DNAJC3: variants seen among roughly 807,000 people sequenced by gnomAD.
The protein encoded by DNAJC3 is dnaJ homolog subfamily C member 3.
DNAJC3 carries 38 observed loss-of-function variants against 68.6 expected under a neutral mutation model. The ratio of observed to expected loss-of-function variants is 0.55; its 90% confidence interval spans 0.43 to 0.73. The LOEUF (loss-of-function observed/expected upper bound fraction) is 0.73, where lower values mean the gene tolerates loss of function less well. Ranked by LOEUF, DNAJC3 falls within the 30% of genes least tolerant of loss-of-function variation. The probability of loss-of-function intolerance (pLI) is 0.00; values close to 1 mark genes in which losing one functional copy is unlikely to be tolerated. For synonymous variants in DNAJC3, 203 were observed against 204.0 expected, an observed-to-expected ratio of 1.00 and a Z score of 0.04; for missense variants, 526 against 591.9, an observed-to-expected ratio of 0.89 and a Z score of 1.16.
At chr13:95,771,799 C>G (rs1188513110) in intron 9 of DNAJC3, among the ~76,000 whole-genome samples, 1 of 152,036 alleles carries the variant, frequency 6.6e-6, no homozygotes, top group African/African-American at 2.4e-5. Flanking sequence ...CATCCCACCC[C>G]CCCACAGGCA....
chr13:95,789,065 A>G (rs1883684337), intron 11 of DNAJC3, among the ~76,000 whole-genome samples: 1 of 152,260 alleles, frequency 6.6e-6, no homozygotes, highest in Non-Finnish European at 1.5e-5. Flanking sequence ...GTGAGAGAGC[A>G]AAGCGAGACT....
chr13:95,688,394 G>A (rs1356801520), intron 1 of DNAJC3, among the ~76,000 whole-genome samples: 1 of 152,066 alleles, frequency 6.6e-6, no homozygotes, highest in East Asian at 1.9e-4. Context: ...TGTTTAGTAT[G>A]GTGTTGGCTG....
chr13:95,779,373 TG>T (rs1566514180), intron 9 of DNAJC3, among the ~76,000 whole-genome samples: 1 of 152,004 alleles, frequency 6.6e-6, no homozygotes, highest in African/African-American at 2.4e-5. Flanking sequence ...ATCTGCCCAC[TG>T]CGGCCTCCCA....
chr13:95,691,310 C>G (rs1307591530), intron 1 of DNAJC3, among the ~76,000 whole-genome samples: 2 of 151,196 alleles, frequency 1.3e-5, no homozygotes, highest in Non-Finnish European at 2.9e-5. Context: ...GGGCACTTGC[C>G]GGGCGGAGGG....
intron 9 of DNAJC3, among the ~76,000 whole-genome samples, chr13:95,764,710 A>G (rs1216908468): frequency 7.4e-6 from 1 of 135,584 alleles, no homozygotes; most frequent in East Asian, 2.1e-4. Flanking sequence ...ATATATACAT[A>G]TATATATACA....
At chr13:95,680,528 A>G (rs777996018) in intron 1 of DNAJC3, among the ~76,000 whole-genome samples, 1 of 152,210 alleles carries the variant, frequency 6.6e-6, no homozygotes, top group Non-Finnish European at 1.5e-5. Context: ...TAAATAAATT[A>G]AGTATCATAA....
intron 1 of DNAJC3, among the ~76,000 whole-genome samples, chr13:95,697,367 T>G (rs758923422): frequency 6.6e-6 from 1 of 152,250 alleles, no homozygotes; most frequent in African/African-American, 2.4e-5. Context: ...CAAACTCTTT[T>G]GGCATGTAAG....
At chr13:95,758,782 T>C (rs1190102747) in intron 5 of DNAJC3, among the ~76,000 whole-genome samples, 2 of 152,178 alleles carry the variant, frequency 1.3e-5, no homozygotes, top group African/African-American at 4.8e-5. Flanking sequence ...GTAATTCACA[T>C]TTATTTGTGA....
rs1326443712 is a variant in DNAJC3, at chr13:95,792,533, C to G, written c.*1503C>G. 5.9e-5 allele frequency: 9 copies of G among 152,160 alleles called. No individual in the cohort carries two copies. Among genetic ancestry groups the G allele is most frequent in the Non-Finnish European group, 1.3e-4 (9 of 68,028 alleles). The allele number at this position is 152,160 out of a possible 1,614,324, so 9.4% of individuals were successfully genotyped here. A position where few individuals can be genotyped will look rare whatever the true frequency, so the allele number is the denominator to read the frequency against. The stretch of plus-strand genomic sequence containing the variant: ...CACGGACATCCATAACAGCAAAGCA[C>G]AAATCGTTTTCGTCTGTAGTCATAT... On this transcript the variant is annotated 3_prime_UTR_variant, in exon 12 of 12. Coordinates refer to ENST00000602402, the MANE Select transcript of DNAJC3 (RefSeq NM_006260.5).
intron 9 of DNAJC3, among the ~76,000 whole-genome samples, chr13:95,781,320 A>G (rs1376989191): frequency 2.6e-5 from 4 of 152,078 alleles, no homozygotes; most frequent in Admixed American, 6.6e-5. Context: ...CTCACGGACT[A>G]TCCTGACAGT....
intron 4 of DNAJC3, among the ~76,000 whole-genome samples, chr13:95,739,586 G>A (rs928522436): frequency 1.5e-4 from 23 of 151,922 alleles, no homozygotes; most frequent in African/African-American, 2.7e-4. Context: ...ATCTTCCATC[G>A]CTGATACCCT....
At chr13:95,707,074 A>C (rs1398178168) in intron 1 of DNAJC3, among the ~76,000 whole-genome samples, 2 of 152,122 alleles carry the variant, frequency 1.3e-5, no homozygotes, top group Non-Finnish European at 2.9e-5. Flanking sequence ...TTCGGGATGA[A>C]TCTGTTCCAC....
intron 11 of DNAJC3, among the ~76,000 whole-genome samples, chr13:95,789,354 T>G (rs1367086794): frequency 6.6e-6 from 1 of 152,230 alleles, no homozygotes; most frequent in East Asian, 1.9e-4. Context: ...TTCCCCTTTA[T>G]GCATCCATGA....
At position 95,758,617 on chromosome 13, in the gene DNAJC3, C is replaced by CA. The variant is rs34861867; in HGVS notation, c.546+837dup. ...TGGGCCACAGAGTGAGACTCCGTCTCAAAAAAAAAAAAAAAAGTTAATAAT... is the reference window on the plus strand; with the variant it reads ...TGGGCCACAGAGTGAGACTCCGTCTCAAAAAAAAAAAAAAAAAGTTAATAAT... On this transcript the variant is annotated intron_variant, in intron 5 of 11. Coordinates refer to ENST00000602402, the MANE Select transcript of DNAJC3 (RefSeq NM_006260.5). Among the ~76,000 whole-genome samples, 873 of 137,056 alleles carry CA rather than the reference C, an allele frequency of 6.4e-3. 1 individual carries two copies. The highest frequency in any genetic ancestry group is 8.4e-3 in the Non-Finnish European group (520 of 62,000). 89.9% of individuals were successfully genotyped at this position (137,056 alleles called of 152,430 possible). A position where few individuals can be genotyped will look rare whatever the true frequency, so the allele number is the denominator to read the frequency against.
intron 9 of DNAJC3, among the ~76,000 whole-genome samples, chr13:95,777,899 G>A (rs560131021): frequency 3.3e-5 from 5 of 152,152 alleles, no homozygotes; most frequent in Admixed American, 6.5e-5. Context: ...GATAGACCAC[G>A]TGTGACACCA....
At chr13:95,714,700 C>T (rs531294861) in intron 2 of DNAJC3, among the ~76,000 whole-genome samples, 1 of 152,324 alleles carries the variant, frequency 6.6e-6, no homozygotes, top group East Asian at 1.9e-4. Flanking sequence ...AAACTGTCTT[C>T]AGTGCTTCAG....
At chr13:95,787,258 G>T in intron 11 of DNAJC3, 103 bp downstream of exon 11, 1 of 1,436,856 alleles carries the variant, frequency 7.0e-7, no homozygotes, top group Non-Finnish European at 9.4e-7. Context: ...AGGCAGTGAC[G>T]GGTCCTGAGC....
intron 9 of DNAJC3, among the ~76,000 whole-genome samples, chr13:95,768,848 A>G (rs1312656090): frequency 6.6e-6 from 1 of 152,176 alleles, no homozygotes; most frequent in Non-Finnish European, 1.5e-5. Context: ...GGTGGTATGC[A>G]TCTGTAATCC....
intron 4 of DNAJC3, among the ~76,000 whole-genome samples, chr13:95,756,130 T>C (rs1168040763): frequency 6.6e-6 from 1 of 152,232 alleles, no homozygotes; most frequent in Non-Finnish European, 1.5e-5. Context: ...AGTCAGTCTT[T>C]GATACATTCT....
Sources: allele counts gnomAD v4.1 joint callset (sites outside exome capture counted in the v4.1 genomes callset), GRCh38; gene constraint gnomAD v4.1.1; transcripts MANE v1.5; gene names NCBI Gene and HGNC (gene_info 2026-07-23, HGNC 2026-07-21).